The following SERPINB6 variants were observed in gnomAD, a reference collection of about 807,000 sequenced individuals.
The protein encoded by SERPINB6 is serpin B6.
In SERPINB6, 16 loss-of-function variants were observed where a neutral mutation model predicts 26.1. That is an observed-to-expected ratio of 0.61 (90% CI 0.42 to 0.93). SERPINB6 has a LOEUF of 0.93. Ranked by LOEUF, SERPINB6 falls within the 40% of genes least tolerant of loss-of-function variation. The pLI is 0.00. For missense variants in SERPINB6, 420 were observed against 478.0 expected, an observed-to-expected ratio of 0.88 and a Z score of 1.13; for synonymous variants, 174 against 176.6, an observed-to-expected ratio of 0.99 and a Z score of 0.11.
chr6:2,969,204 G>A, intron 1 of SERPINB6: 1 of 986,676 alleles, frequency 1.0e-6, no homozygotes, highest in Non-Finnish European at 1.2e-6. Flanking sequence ...TTCTATCGAG[G>A]GCTTTCTGTT....
At chr6:2,959,139 A>G in intron 2 of SERPINB6, 29 bp downstream of exon 2, 1 of 1,614,004 alleles carries the variant, frequency 6.2e-7, no homozygotes, top group South Asian at 1.1e-5. Context: ...TTGACAGTTA[A>G]TAGCACCATG....
At position 2,953,076 on chromosome 6, in the gene SERPINB6, TCTC is replaced by T; in HGVS notation, c.538_540del (p.Glu180del). 1.2e-6 allele frequency: 2 copies of T among 1,614,232 alleles called. No individual in the cohort carries two copies. Among genetic ancestry groups the T allele is most frequent in the Non-Finnish European group, 1.7e-6 (2 of 1,180,038 alleles). On this transcript the variant is annotated inframe_deletion, in exon 5 of 7. Coordinates refer to ENST00000380539, the MANE Select transcript of SERPINB6 (RefSeq NM_004568.6). ...ACTTTAAACAGTCTCTCCTCGGTGT[TCTC>T]CTTGTCAAACTGTTCATCCCAGTTT...
At chr6:2,951,212 C>A (rs1251068904) in intron 5 of SERPINB6, among the ~76,000 whole-genome samples, 1 of 151,844 alleles carries the variant, frequency 6.6e-6, no homozygotes, top group Admixed American at 6.6e-5. Flanking sequence ...ATGGTGAAAC[C>A]CCGTCTCTAC....
At chr6:2,951,412 AAAT>A (rs1769798649) in intron 5 of SERPINB6, among the ~76,000 whole-genome samples, 4 of 151,766 alleles carry the variant, frequency 2.6e-5, no homozygotes, top group Non-Finnish European at 5.9e-5. Context: ...TAAAAAAAAA[AAAT>A]AAGCATGGCT....
chr6:2,959,426 G>C (rs908606172), intron 1 of SERPINB6, 84 bp from the exon 2 acceptor site: 2 of 1,413,018 alleles, frequency 1.4e-6, no homozygotes, highest in East Asian at 4.6e-5. Flanking sequence ...AGTCACCGCC[G>C]ATGCTGTGGT....
intron 1 of SERPINB6, chr6:2,968,779 A>G (rs1324112371): frequency 8.1e-6 from 10 of 1,231,530 alleles, no homozygotes; most frequent in East Asian, 6.3e-5. Flanking sequence ...TTCTGTTTAC[A>G]TGGAGGAAGT....
intron 2 of SERPINB6, chr6:2,956,069 C>A: frequency 5.5e-6 from 1 of 182,072 alleles, no homozygotes; most frequent in Non-Finnish European, 1.2e-5. Flanking sequence ...AGTGAGACTC[C>A]GTCTCAAAAA....
At chr6:2,950,470 T>A (rs1295481933) in intron 5 of SERPINB6, among the ~76,000 whole-genome samples, 1 of 148,942 alleles carries the variant, frequency 6.7e-6, no homozygotes, top group Non-Finnish European at 1.5e-5. Context: ...GAGGCAGAGG[T>A]TGCAGTGACC....
rs1771759963 is a variant in SERPINB6, at chr6:2,967,724, C to G, written c.-11+3809G>C. 1 of 152,146 alleles carries G rather than the reference C, an allele frequency of 6.6e-6. No homozygotes were observed. The allele number at this position is 152,146 out of a possible 1,614,324, so 9.4% of individuals were successfully genotyped here. A position where few individuals can be genotyped will look rare whatever the true frequency, so the allele number is the denominator to read the frequency against. ...AGTATCACTGATCATTAGAGAAATG[C>G]AAATCAAAACCACAATGAGATACCA... On this transcript the variant is annotated intron_variant, in intron 1 of 6. Coordinates refer to ENST00000380539, the MANE Select transcript of SERPINB6 (RefSeq NM_004568.6). This position sits in a 1 kb window ranked among gnomAD's most constrained non-coding sequence, Gnocchi z 4.3.
At chr6:2,968,385 CACA>C in intron 1 of SERPINB6, 1 of 649,236 alleles carries the variant, frequency 1.5e-6, no homozygotes, top group South Asian at 6.9e-5. Context: ...AAATAACCTG[CACA>C]ACAACCTGCG....
chr6:2,956,379 A>G (rs1253046882), intron 2 of SERPINB6: 2 of 152,580 alleles, frequency 1.3e-5, no homozygotes, highest in Non-Finnish European at 2.9e-5. Flanking sequence ...TTCCAGGCCT[A>G]GGCCCTTTTT....
Position 2,948,492 on chromosome 6 carries a change from A to G in SERPINB6, c.937T>C (p.Ser313Pro), listed in dbSNP as rs1357095797. ...ACAAAAGACTTGTGCACGACCTTGG[A>G]CAGAGACAGGTCTGTCTGGGACATT... ...SGMSQTDLSL[S>P]KVVHKSFVEV... The change falls in exon 7 of 7, where the codon TCC (serine) becomes CCC (proline). Residue 313 changes from serine to proline, a missense_variant. By Grantham distance (74) the Ser-to-Pro change is moderately conservative. Coordinates refer to ENST00000380539, the MANE Select transcript of SERPINB6 (RefSeq NM_004568.6). This position sits in a 1 kb window ranked among gnomAD's most constrained non-coding sequence, Gnocchi z 5.0. The G allele has an allele frequency of 2.5e-6, 4 of 1,614,018 alleles. No homozygotes were observed. In the Admixed American group the frequency reaches 5.0e-5, roughly 20 times the overall value.
intron 1 of SERPINB6, chr6:2,970,165 A>G (rs1772008392): frequency 1.0e-6 from 1 of 985,098 alleles, no homozygotes; most frequent in Non-Finnish European, 1.2e-6. Flanking sequence ...ACCGTACAAC[A>G]TCTGCTTGGG....
intron 1 of SERPINB6, chr6:2,970,396 T>G: frequency 9.8e-7 from 1 of 1,021,000 alleles, no homozygotes; most frequent in Non-Finnish European, 1.2e-6. Context: ...GATACGGTCC[T>G]GAAATGAGAA....
chr6:2,955,968 C>T (rs988946308), intron 2 of SERPINB6: 3 of 304,908 alleles, frequency 9.8e-6, no homozygotes, highest in Admixed American at 4.4e-5. Flanking sequence ...CCCAGCTACT[C>T]GGGAAGCTGA....
In SERPINB6 at chr6:2,954,616, T is replaced by C. The variant is rs1371813510; in HGVS notation, c.406A>G (p.Thr136Ala). Residue 136 changes from threonine (T) to alanine (A), a missense_variant, in exon 4 of 7, where the codon ACC becomes GCC. Thr to Ala is a moderately conservative substitution (Grantham distance 58). Coordinates refer to ENST00000380539, the MANE Select transcript of SERPINB6 (RefSeq NM_004568.6). The part of the protein sequence containing the change: ...AVEKSRKHIN[T>A]WVAEKTEGKI... ...CCTTCTGTCTTTTCAGCTACCCAGG[T>C]GTTTATGTGTTTTCTGGACTTCTCT... 1 of 1,613,540 alleles carries C rather than the reference T, an allele frequency of 6.2e-7. No individual in the cohort carries two copies. Among genetic ancestry groups the C allele is most frequent in the Non-Finnish European group, 8.5e-7 (1 of 1,179,556 alleles).
chr6:2,959,400 C>G, intron 1 of SERPINB6, 58 bp from the exon 2 acceptor site: 1 of 1,576,426 alleles, frequency 6.3e-7, no homozygotes, highest in Non-Finnish European at 8.7e-7. Context: ...GACTGCATCT[C>G]ACGCGCCTTA....
intron 1 of SERPINB6, chr6:2,961,411 C>T (rs972797245): frequency 1.4e-4 from 21 of 152,032 alleles, no homozygotes; most frequent in African/African-American, 4.8e-4. Flanking sequence ...TCCAGGATTC[C>T]GCAGAGCCCT....
At position 2,954,708 on chromosome 6, in the gene SERPINB6, G is replaced by T. The variant is rs148530934; in HGVS notation, c.314C>A (p.Ser105Tyr). The change falls in exon 4 of 7, where the codon TCT becomes TAT. Residue 105 changes from serine to tyrosine, a missense_variant and splice_region_variant. Ser to Tyr is a moderately radical substitution (Grantham distance 144). Transcript: ENST00000380539. ...GAATTTTTGGCAGGAATCTCTAAAA[G>T]ACTAGGATAGACAGAGTGACATAAC... ...FGEKSCDFLS[S>Y]FRDSCQKFYQ... 1,017 of 1,608,278 alleles carry T rather than the reference G, an allele frequency of 6.3e-4. No individual in the cohort carries two copies. The highest frequency in any genetic ancestry group is 8.0e-4 in the Non-Finnish European group (936 of 1,174,800).
Sources: gnomAD v4.1 joint callset for allele counts (sites outside exome capture counted in the v4.1 genomes callset) on GRCh38, gnomAD v4.1.1 for gene constraint, Gnocchi (gnomAD v3.1) non-coding constraint, MANE v1.5 for transcripts, NCBI Gene and HGNC (gene_info 2026-07-23, HGNC 2026-07-21) for gene names.